UPP2: variants seen among roughly 807,000 people sequenced by gnomAD.
UPP2 encodes the protein uridine phosphorylase 2.
Under a neutral mutation model 26.7 loss-of-function variants are expected in UPP2, and 23 were observed. That is an observed-to-expected ratio of 0.86 (90% CI 0.62 to 1.22). UPP2 has a LOEUF of 1.22. Ranked by LOEUF, UPP2 falls within the 50% of genes most tolerant of loss-of-function variation. The pLI, the probability that UPP2 is intolerant of heterozygous loss-of-function variation, is 0.00. For missense variants in UPP2, 387 were observed against 396.7 expected (o/e 0.98, Z 0.21); for synonymous variants, 127 against 141.3 (o/e 0.90, Z 0.72).
chr2:158,073,979 A>G (rs1040929173), intron 3 of UPP2, among the ~76,000 whole-genome samples: 8 of 152,188 alleles, frequency 5.3e-5, no homozygotes, highest in Non-Finnish European at 8.8e-5. Flanking sequence ...GCTTGAGACC[A>G]GCTTGGGCAA....
chr2:158,046,130 T>C (rs1684149598), intron 3 of UPP2, among the ~76,000 whole-genome samples: 1 of 152,220 alleles, frequency 6.6e-6, no homozygotes, highest in African/African-American at 2.4e-5. Flanking sequence ...GACTAAAGCA[T>C]GTTATTTTGG....
At chr2:158,093,377 A>G (rs1339762034) in intron 3 of UPP2, among the ~76,000 whole-genome samples, 1 of 152,298 alleles carries the variant, frequency 6.6e-6, no homozygotes, top group Non-Finnish European at 1.5e-5. Flanking sequence ...TGTATTAAAC[A>G]TAGATAAAAG....
chr2:158,079,231 G>T (rs764777273), intron 3 of UPP2, among the ~76,000 whole-genome samples: 1 of 151,802 alleles, frequency 6.6e-6, no homozygotes, highest in African/African-American at 2.4e-5. Flanking sequence ...GCATGAGAAC[G>T]GACTAACACA....
At chr2:158,096,677 A>G (rs536792949) in intron 3 of UPP2, among the ~76,000 whole-genome samples, 9 of 152,350 alleles carry the variant, frequency 5.9e-5, no homozygotes, top group Non-Finnish European at 1.0e-4. Flanking sequence ...GTAATGTCAT[A>G]TAACAGATCA....
intron 3 of UPP2, among the ~76,000 whole-genome samples, chr2:158,088,842 G>A (rs1454997679): frequency 6.6e-6 from 1 of 152,216 alleles, no homozygotes; most frequent in Admixed American, 6.5e-5. Flanking sequence ...CCGTCTTCAG[G>A]TCTCCCTGCT....
At chr2:158,058,149 T>C (rs1682280992) in intron 3 of UPP2, among the ~76,000 whole-genome samples, 1 of 151,774 alleles carries the variant, frequency 6.6e-6, no homozygotes, top group Non-Finnish European at 1.5e-5. Flanking sequence ...AAAAATTAGC[T>C]GGGTATTGTG....
At chr2:158,087,210 T>A (rs1682831333) in intron 3 of UPP2, among the ~76,000 whole-genome samples, 1 of 152,204 alleles carries the variant, frequency 6.6e-6, no homozygotes, top group African/African-American at 2.4e-5. Context: ...GATATTTTTC[T>A]GTTTAACAAG....
intron 2 of UPP2, among the ~76,000 whole-genome samples, chr2:158,015,165 C>A (rs148123501): frequency 1.4e-4 from 22 of 152,300 alleles, no homozygotes; most frequent in African/African-American, 5.3e-4. Context: ...TATTCACATT[C>A]TTGTTAAACA....
At chr2:158,011,076 T>A (rs1683569081) in intron 2 of UPP2, among the ~76,000 whole-genome samples, 1 of 152,004 alleles carries the variant, frequency 6.6e-6, no homozygotes, top group Non-Finnish European at 1.5e-5. Flanking sequence ...CCTCCCTCAT[T>A]ATCTTAATAA....
At chr2:158,058,109 C>A (rs59219836) in intron 3 of UPP2, among the ~76,000 whole-genome samples, 1 of 151,620 alleles carries the variant, frequency 6.6e-6, no homozygotes, top group Non-Finnish European at 1.5e-5. Flanking sequence ...CTAGCTAACA[C>A]GATGAAACTC....
At chr2:158,112,801 T>C (rs1433489289) in intron 2 of UPP2, among the ~76,000 whole-genome samples, 1 of 152,224 alleles carries the variant, frequency 6.6e-6, no homozygotes, top group Non-Finnish European at 1.5e-5. Flanking sequence ...CATGGCATAG[T>C]TAAGCCTTTT....
Position 158,135,071 on chromosome 2 carries a change from T to A in UPP2, c.*181T>A. On this transcript the variant is annotated 3_prime_UTR_variant, in exon 7 of 7. Coordinates refer to ENST00000005756, the MANE Select transcript of UPP2 (RefSeq NM_173355.4). ...TTGTAAAAGAATACTCACACTAAAT[T>A]AAATTCAAATTTCATTTTAGAATAA... 1 of 683,080 alleles carries A rather than the reference T, an allele frequency of 1.5e-6. No individual in the cohort carries two copies. Among genetic ancestry groups the A allele is most frequent in the Non-Finnish European group, 2.1e-6 (1 of 465,804 alleles). The allele number at this position is 683,080 out of a possible 1,614,324, so 42.3% of individuals were successfully genotyped here.
At chr2:158,000,993 T>C (rs1006017775) in intron 2 of UPP2, among the ~76,000 whole-genome samples, 2 of 152,212 alleles carry the variant, frequency 1.3e-5, no homozygotes, top group Admixed American at 6.5e-5. Context: ...GTACCTCCAG[T>C]TGTCAGTAAC....
chr2:158,022,620 A>T (rs1683770218), intron 3 of UPP2, among the ~76,000 whole-genome samples: 1 of 152,110 alleles, frequency 6.6e-6, no homozygotes, highest in Non-Finnish European at 1.5e-5. Context: ...TGCTTTGATA[A>T]CCTACCATGC....
intron 2 of UPP2, among the ~76,000 whole-genome samples, chr2:158,014,613 C>T (rs1683631357): frequency 6.6e-6 from 1 of 152,194 alleles, no homozygotes; most frequent in Non-Finnish European, 1.5e-5. Flanking sequence ...TTCTTCAGGA[C>T]TGTGGTTAGC....
chr2:158,109,102 C>T (rs1354415794), intron 2 of UPP2, among the ~76,000 whole-genome samples: 3 of 152,008 alleles, frequency 2.0e-5, no homozygotes, highest in Non-Finnish European at 2.9e-5. Flanking sequence ...TGAGAACATT[C>T]TACATTCAAT....
At chr2:158,093,394 T>C (rs1682940763) in intron 3 of UPP2, among the ~76,000 whole-genome samples, 1 of 152,030 alleles carries the variant, frequency 6.6e-6, no homozygotes, top group South Asian at 2.1e-4. Context: ...AAAGACAACT[T>C]TTTGAAAATC....
At chr2:157,999,934 G>A (rs1683379141) in intron 2 of UPP2, among the ~76,000 whole-genome samples, 1 of 152,028 alleles carries the variant, frequency 6.6e-6, no homozygotes. Flanking sequence ...AGAGGGATTA[G>A]GATAAAAAGG....
At chr2:158,107,853 C>T (rs1683228167) in intron 2 of UPP2, among the ~76,000 whole-genome samples, 1 of 151,976 alleles carries the variant, frequency 6.6e-6, no homozygotes, top group Non-Finnish European at 1.5e-5. Flanking sequence ...CTTTGTGTGG[C>T]CTGCCTCTAT....
Sources: gnomAD v4.1 joint callset for allele counts (sites outside exome capture counted in the v4.1 genomes callset) on GRCh38, gnomAD v4.1.1 for gene constraint, MANE v1.5 for transcripts, NCBI Gene and HGNC (gene_info 2026-07-23, HGNC 2026-07-21) for gene names.